Variants in ABCC1 observed in about 807,000 individuals in gnomAD.
ABCC1 encodes the protein ATP binding cassette subfamily C member 1 (ABCC1 blood group).
A neutral mutation model predicts 172.9 loss-of-function variants in ABCC1; 83 were observed. That is an observed-to-expected ratio of 0.48 (90% confidence interval 0.40 to 0.58). ABCC1 has a LOEUF of 0.58. Ranked by LOEUF, ABCC1 falls within the 20% of genes least tolerant of loss-of-function variation. The pLI, the probability that ABCC1 is intolerant of heterozygous loss-of-function variation, is 0.00. For synonymous variants in ABCC1, 937 were observed against 825.2 expected (o/e 1.14, Z -2.32); for missense variants, 1,817 against 2,002.7 (o/e 0.91, Z 1.77).
At chr16:16,033,000 C>T in intron 5 of ABCC1, 109 bp from the exon 6 acceptor site, 2 of 1,070,352 alleles carry the variant, frequency 1.9e-6, no homozygotes, top group Non-Finnish European at 2.9e-6. Flanking sequence ...GACGCTAGTC[C>T]TCTGGAAGGA....
chr16:16,136,983 C>CT (rs1567446345), intron 29 of ABCC1, among the ~76,000 whole-genome samples: 17 of 152,196 alleles, frequency 1.1e-4, no homozygotes, highest in Non-Finnish European at 1.5e-5. Flanking sequence ...TCCCCATGCA[C>CT]TACCCCAGCT....
At chr16:16,002,072 C>G (rs1448347847) in intron 1 of ABCC1, among the ~76,000 whole-genome samples, 3 of 152,104 alleles carry the variant, frequency 2.0e-5, no homozygotes. Flanking sequence ...ATTGTTTATT[C>G]AATGCTGCAT....
rs778975641 is a variant in ABCC1, at chr16:16,090,448, T to C, written c.2504T>C (p.Val835Ala). Residue 835 changes from valine (V) to alanine (A), a missense_variant, in exon 19 of 31, where the codon GTG (valine) becomes GCG (alanine). Physicochemically the swap from Val to Ala is moderately conservative, Grantham distance 64. Coordinates refer to ENST00000399410, the MANE Select transcript of ABCC1 (RefSeq NM_004996.4). Reference protein sequence around the residue: ...VTHSMSYLPQVDVIIVMSGGK... With the variant: ...VTHSMSYLPQADVIIVMSGGK... The stretch of plus-strand genomic sequence containing the variant: ...CACAGCATGAGCTACTTGCCGCAGG[T>C]GGACGTCATCATCGTCATGAGTGGC... The C allele has an allele frequency of 6.2e-7, 1 of 1,613,394 alleles. No individual in the cohort carries two copies. The highest frequency in any genetic ancestry group is 8.5e-7 in the Non-Finnish European group (1 of 1,179,684).
chr16:16,137,088 T>C (rs1226449346), intron 29 of ABCC1, among the ~76,000 whole-genome samples: 1 of 152,198 alleles, frequency 6.6e-6, no homozygotes, highest in Non-Finnish European at 1.5e-5. Flanking sequence ...GGGGTCCTGC[T>C]TTGGTGGTGT....
At chr16:15,955,669 A>G (rs931958080) in intron 1 of ABCC1, among the ~76,000 whole-genome samples, 18 of 152,102 alleles carry the variant, frequency 1.2e-4, no homozygotes, top group Non-Finnish European at 7.4e-5. Flanking sequence ...AACTTTGTTC[A>G]GGTGTCACCT....
At chr16:16,092,731 T>C (rs2051305886) in intron 19 of ABCC1, among the ~76,000 whole-genome samples, 1 of 152,246 alleles carries the variant, frequency 6.6e-6, no homozygotes, top group African/African-American at 2.4e-5. Context: ...GGTTTGTGCC[T>C]GTAATCCCAC....
Position 16,052,762 on chromosome 16 carries a change from G to T in ABCC1, c.1419G>T (p.Met473Ile), listed in dbSNP as rs1315784997. The T allele has an allele frequency of 6.2e-7, 1 of 1,614,094 alleles. No homozygotes were observed. Among genetic ancestry groups the T allele is most frequent in the South Asian group, 1.1e-5 (1 of 91,074 alleles). ...GPSVLAGVAVMVLMVPVNAVM... is the reference protein window; with the variant it reads ...GPSVLAGVAVIVLMVPVNAVM... ...CCGTCCTGGCTGGAGTGGCGGTGAT[G>T]GTCCTCATGGTGCCCGTCAATGCTG... The change falls in exon 11 of 31, where the codon ATG (methionine) becomes ATT (isoleucine). Residue 473 changes from methionine to isoleucine, a missense_variant. Around this residue, in one of 3 missense-constraint regions of ABCC1, gnomAD observed 1,412 missense variants for 1,600.3 expected, o/e 0.88. Coordinates refer to ENST00000399410, the MANE Select transcript of ABCC1 (RefSeq NM_004996.4).
In ABCC1 at chr16:16,124,400, T is replaced by TGG. The variant is rs1555502643; in HGVS notation, c.3591-388_3591-387insGG. ...GGCTGTGTGTGTGTGTGTGTGTGTGTGTGTGTGTGTATGTGTGTGTGTGTG... is the reference window on the plus strand; with the variant it reads ...GGCTGTGTGTGTGTGTGTGTGTGTGTGGGTGTGTGTGTATGTGTGTGTGTGTG... On this transcript the variant is annotated intron_variant, in intron 24 of 30. Coordinates refer to ENST00000399410, the MANE Select transcript of ABCC1 (RefSeq NM_004996.4). Among the ~76,000 whole-genome samples the TGG allele has an allele frequency of 2.5e-3, 323 of 130,486 alleles. 6 individuals are homozygous for TGG. Among genetic ancestry groups the TGG allele is most frequent in the South Asian group, 8.4e-3 (33 of 3,936 alleles). The allele number at this position is 130,486 out of a possible 152,430, so 85.6% of individuals were successfully genotyped here. A position where few individuals can be genotyped will look rare whatever the true frequency, so the allele number is the denominator to read the frequency against.
At position 16,111,458 on chromosome 16, in the gene ABCC1, C is replaced by T. The variant is rs1567417458; in HGVS notation, c.2955C>T (p.Asn985=). Residue 985 remains asparagine, a synonymous_variant, in exon 22 of 31, where the codon AAC becomes AAT. Transcript: ENST00000399410. ...TCAGCATCTTCCTTTTCATGTGTAA[C>T]CATGTGTCCGCGCTGGCTTCCAACT... ...SFLSIFLFMC[N]HVSALASNYW... 6.8e-6 allele frequency: 11 copies of T among 1,614,182 alleles called. No homozygotes were observed. Among genetic ancestry groups the T allele is most frequent in the Non-Finnish European group, 7.6e-6 (9 of 1,180,028 alleles).
intron 1 of ABCC1, among the ~76,000 whole-genome samples, chr16:16,006,589 T>G (rs994102648): frequency 6.6e-6 from 1 of 151,090 alleles, no homozygotes; most frequent in Non-Finnish European, 1.5e-5. Flanking sequence ...GTAAAAGTAA[T>G]TGAAACAAAA....
chr16:15,975,465 G>A (rs2046465564), intron 1 of ABCC1, among the ~76,000 whole-genome samples: 1 of 152,084 alleles, frequency 6.6e-6, no homozygotes. Flanking sequence ...GGTATGCGTG[G>A]TTAGGCTTTT....
intron 19 of ABCC1, among the ~76,000 whole-genome samples, 159 bp from the exon 20 acceptor site, chr16:16,102,468 C>T (rs1374105979): frequency 2.0e-5 from 3 of 152,216 alleles, no homozygotes; most frequent in African/African-American, 7.2e-5. Context: ...ACCAGACAGC[C>T]TGTTCATGGC....
chr16:15,961,423 T>G (rs913601815), intron 1 of ABCC1, among the ~76,000 whole-genome samples: 1 of 152,170 alleles, frequency 6.6e-6, no homozygotes, highest in Admixed American at 6.6e-5. Flanking sequence ...TACTGCAACT[T>G]TGTTGATGAT....
At chr16:16,099,125 G>T (rs555863550) in intron 19 of ABCC1, among the ~76,000 whole-genome samples, 3 of 152,292 alleles carry the variant, frequency 2.0e-5, no homozygotes, top group African/African-American at 7.2e-5. Context: ...TCCCTTTATT[G>T]TCACTGATGA....
At chr16:15,966,999 C>T (rs886637826) in intron 1 of ABCC1, among the ~76,000 whole-genome samples, 1 of 152,052 alleles carries the variant, frequency 6.6e-6, no homozygotes, top group African/African-American at 2.4e-5. Flanking sequence ...TTTAATAGGG[C>T]TCTTTCATCT....
At chr16:16,126,012 T>A in intron 26 of ABCC1, 101 bp downstream of exon 26, 1 of 763,670 alleles carries the variant, frequency 1.3e-6, no homozygotes, top group Non-Finnish European at 2.1e-6. Context: ...CTGAGCTGGA[T>A]ACCTCACCAG....
intron 7 of ABCC1, among the ~76,000 whole-genome samples, chr16:16,042,036 C>A (rs2048995991): frequency 6.6e-6 from 1 of 151,974 alleles, no homozygotes; most frequent in African/African-American, 2.4e-5. Context: ...TTTAAAAACC[C>A]AGTGCTTCAT....
intron 16 of ABCC1, among the ~76,000 whole-genome samples, chr16:16,081,334 A>G (rs971281847): frequency 3.9e-5 from 6 of 152,232 alleles, no homozygotes; most frequent in African/African-American, 1.4e-4. Context: ...AAGATGAATG[A>G]ACCATGAGAG....
chr16:16,014,935 G>T (rs1171265286), intron 4 of ABCC1, among the ~76,000 whole-genome samples: 2 of 152,178 alleles, frequency 1.3e-5, no homozygotes, highest in African/African-American at 4.8e-5. Flanking sequence ...GCAGGAAACA[G>T]CAAGACAGGC....
Sources: allele counts gnomAD v4.1 joint callset (sites outside exome capture counted in the v4.1 genomes callset), GRCh38; gene constraint gnomAD v4.1.1; regional missense constraint gnomAD v4.1.1; transcripts MANE v1.5; gene names NCBI Gene and HGNC (gene_info 2026-07-23, HGNC 2026-07-21).